ANKFN1: variants seen among roughly 807,000 people sequenced by gnomAD.
ANKFN1 encodes the protein ankyrin repeat and fibronectin type III domain containing 1, also known as ankyrin repeat and fibronectin type-III domain-containing protein 1.
A neutral mutation model predicts 108.7 loss-of-function variants in ANKFN1; 74 were observed. The ratio of observed to expected loss-of-function variants is 0.68; its 90% confidence interval spans 0.56 to 0.83. ANKFN1 has a LOEUF of 0.83. Among genes scored for constraint, ANKFN1 ranks in the 40% least tolerant of loss-of-function variants. The pLI is 0.00. For missense variants in ANKFN1, 1,505 were observed against 1,382.3 expected (o/e 1.09, Z -1.41); for synonymous variants, 547 against 516.2 (o/e 1.06, Z -0.81).
At chr17:56,088,073 C>T (rs1905348991) in intron 4 of ANKFN1, among the ~76,000 whole-genome samples, 2 of 151,296 alleles carry the variant, frequency 1.3e-5, no homozygotes, top group Non-Finnish European at 3.0e-5. Flanking sequence ...ACCTAAGTCA[C>T]GTTGCTCTTA....
intron 8 of ANKFN1, among the ~76,000 whole-genome samples, chr17:56,428,685 A>T (rs2048656074): frequency 6.6e-6 from 1 of 151,326 alleles, no homozygotes; most frequent in Admixed American, 6.6e-5. Flanking sequence ...CTGGTCTTGA[A>T]CTCCTGACCT....
intron 19 of ANKFN1, among the ~76,000 whole-genome samples, chr17:56,498,181 C>T (rs2051260575): frequency 6.6e-6 from 1 of 152,050 alleles, no homozygotes. Flanking sequence ...ACTGTTAAGG[C>T]CGTTTTGAAC....
At chr17:56,462,938 T>C (rs1454752596) in intron 14 of ANKFN1, among the ~76,000 whole-genome samples, 1 of 152,196 alleles carries the variant, frequency 6.6e-6, no homozygotes, top group Admixed American at 6.5e-5. Flanking sequence ...GCCTCAATCA[T>C]GATCTTTCTC....
At chr17:56,495,451 T>C (rs140684978) in intron 19 of ANKFN1, among the ~76,000 whole-genome samples, 343 of 152,210 alleles carry the variant, frequency 2.3e-3, no homozygotes, top group Non-Finnish European at 4.2e-3. Context: ...CCGCCAGTTG[T>C]GAGAGCATTT....
At chr17:56,309,515 T>C (rs1430351302) in intron 3 of ANKFN1, among the ~76,000 whole-genome samples, 1 of 152,158 alleles carries the variant, frequency 6.6e-6, no homozygotes, top group Non-Finnish European at 1.5e-5. Context: ...ATTTTCTCTA[T>C]TGTTTTTCTA....
At chr17:56,199,442 T>C (rs1168810967) in intron 1 of ANKFN1, among the ~76,000 whole-genome samples, 1 of 152,190 alleles carries the variant, frequency 6.6e-6, no homozygotes, top group Non-Finnish European at 1.5e-5. Flanking sequence ...AAGGTCATGC[T>C]CTTCATTTCT....
At chr17:56,297,519 A>G (rs901068254) in intron 3 of ANKFN1, among the ~76,000 whole-genome samples, 2 of 152,224 alleles carry the variant, frequency 1.3e-5, no homozygotes, top group African/African-American at 4.8e-5. Flanking sequence ...ACTTCAAAAC[A>G]ACAGCCTCTG....
In ANKFN1 at chr17:56,147,953, C is replaced by G. The variant is rs192089516; in HGVS notation, c.289-79964C>G. On this transcript the variant is annotated intron_variant, in intron 4 of 12. Coordinates refer to the ANKFN1 transcript ENST00000635860. ...TCCTTCTTCTCTGCCAGATCCTGTT[C>G]TAAGCATTATTTCATTGAATCTTCA... Among the ~76,000 whole-genome samples the G allele has an allele frequency of 9.9e-5, 15 of 152,274 alleles. No homozygotes were observed. The East Asian group carries it at 2.7e-3, about 28-fold the overall frequency.
In ANKFN1 at chr17:56,327,469, G is replaced by A. The variant is rs145655134; in HGVS notation, c.188+1114G>A. ...AAGATGAATGATGTCACAACAGTGA[G>A]CAGCATGCTTCTCTAAATAAAAACC... On this transcript the variant is annotated intron_variant, in intron 4 of 20. Transcript: ENST00000682825. Among the ~76,000 whole-genome samples the A allele has an allele frequency of 5.4e-3, 815 of 152,254 alleles. 11 individuals carry two copies. Among genetic ancestry groups the A allele is most frequent in the Non-Finnish European group, 7.3e-3 (494 of 68,014 alleles).
intron 4 of ANKFN1, among the ~76,000 whole-genome samples, chr17:56,147,502 T>C (rs1341754253): frequency 6.6e-6 from 1 of 152,192 alleles, no homozygotes; most frequent in Non-Finnish European, 1.5e-5. Flanking sequence ...AGGCACCTTC[T>C]TCACAGGGCA....
chr17:56,432,821 T>C (rs766556137), intron 8 of ANKFN1, among the ~76,000 whole-genome samples: 3 of 152,206 alleles, frequency 2.0e-5, no homozygotes, highest in Non-Finnish European at 4.4e-5. Context: ...TGACTCCTGA[T>C]GTCAGGATGT....
intron 1 of ANKFN1, among the ~76,000 whole-genome samples, chr17:56,153,757 G>C (rs1325758663): frequency 1.3e-5 from 2 of 152,154 alleles, no homozygotes; most frequent in East Asian, 1.9e-4. Context: ...TGGGAGGTGG[G>C]AGAATGGGGA....
chr17:56,510,788 T>A lies in ANKFN1; in HGVS notation c.2960T>A (p.Val987Glu). ...ACACCCAAGAACCACGCCAAGACTG[T>A]GTCCGGTGGGCGGCCCCCGCTAGGC... is the stretch of plus-strand genomic sequence containing the variant. ...GFTPKNHAKT[V>E]SGGRPPLGFL... Residue 987 changes from valine (V) to glutamate (E), a missense_variant, in exon 21 of 21, where the codon GTG (valine) becomes GAG (glutamate). Val to Glu is a moderately radical substitution (Grantham distance 121). Transcript: ENST00000682825. 1 of 1,536,118 alleles carries A rather than the reference T, an allele frequency of 6.5e-7. No individual in the cohort carries two copies. Among genetic ancestry groups the A allele is most frequent in the Non-Finnish European group, 8.7e-7 (1 of 1,146,898 alleles).
intron 4 of ANKFN1, among the ~76,000 whole-genome samples, chr17:56,047,505 T>C (rs909189150): frequency 2.0e-5 from 3 of 152,174 alleles, no homozygotes; most frequent in Non-Finnish European, 4.4e-5. Context: ...GATGCTTGGG[T>C]GCACAACTGA....
intron 1 of ANKFN1, among the ~76,000 whole-genome samples, chr17:56,160,722 C>G (rs1468452551): frequency 6.6e-6 from 1 of 152,144 alleles, no homozygotes; most frequent in African/African-American, 2.4e-5. Context: ...GTATGAAATC[C>G]CATTGTAATG....
intron 18 of ANKFN1, among the ~76,000 whole-genome samples, chr17:56,489,075 G>A (rs115584932): frequency 0.021 from 3,143 of 152,292 alleles, 106 homozygotes; most frequent in African/African-American, 0.071. Flanking sequence ...GGTGGTGAGT[G>A]GCAGAAGTAT....
chr17:56,138,617 C>G (rs1448285501), intron 4 of ANKFN1, among the ~76,000 whole-genome samples: 2 of 150,658 alleles, frequency 1.3e-5, no homozygotes, highest in Non-Finnish European at 2.9e-5. Flanking sequence ...TCAAGCGATT[C>G]TCCTGTCTCA....
At chr17:56,246,256 G>A (rs140284493) in intron 3 of ANKFN1, among the ~76,000 whole-genome samples, 2 of 152,200 alleles carry the variant, frequency 1.3e-5, no homozygotes, top group East Asian at 3.9e-4. Flanking sequence ...TGGCCTTTTG[G>A]CTATGATCAA....
intron 3 of ANKFN1, among the ~76,000 whole-genome samples, chr17:56,270,602 T>C (rs1188661150): frequency 6.6e-6 from 1 of 152,184 alleles, no homozygotes; most frequent in Non-Finnish European, 1.5e-5. Flanking sequence ...TCCCCTGGCT[T>C]ATGGCTTCCT....
Sources: allele counts gnomAD v4.1 joint callset (sites outside exome capture counted in the v4.1 genomes callset), GRCh38; gene constraint gnomAD v4.1.1; transcripts MANE v1.5; gene names NCBI Gene and HGNC (gene_info 2026-07-23, HGNC 2026-07-21).